Variants in TRPM1 observed in about 807,000 individuals in gnomAD.
TRPM1 encodes transient receptor potential cation channel subfamily M member 1.
TRPM1 carries 113 observed loss-of-function variants against 149.4 expected under a neutral mutation model. That is an observed-to-expected ratio of 0.76 (90% CI 0.65 to 0.88). TRPM1 has a LOEUF of 0.88. Ranked by LOEUF, TRPM1 falls within the 40% of genes least tolerant of loss-of-function variation. TRPM1 has a pLI of 0.00. For missense variants in TRPM1, 1,976 were observed against 2,038.7 expected (o/e 0.97, Z 0.59); for synonymous variants, 741 against 759.5 (o/e 0.98, Z 0.40).
At chr15:31,049,779 G>T (rs1173120831) in intron 12 of TRPM1, among the ~76,000 whole-genome samples, 1 of 152,178 alleles carries the variant, frequency 6.6e-6, no homozygotes, top group Non-Finnish European at 1.5e-5. Flanking sequence ...AGCCCTCCTG[G>T]CATTGGCCTG....
At chr15:31,090,122 C>G (rs1008810348) in intron 1 of TRPM1, among the ~76,000 whole-genome samples, 13 of 152,172 alleles carry the variant, frequency 8.5e-5, no homozygotes, top group African/African-American at 2.9e-4. Flanking sequence ...CCCCCATGAA[C>G]ACTGGTGCGT....
intron 27 of TRPM1, among the ~76,000 whole-genome samples, chr15:31,022,654 C>T (rs1367690880): frequency 6.6e-6 from 1 of 152,190 alleles, no homozygotes; most frequent in East Asian, 1.9e-4. Context: ...TGTCTTGAAC[C>T]TGGAGGGAGC....
At chr15:31,025,624 A>G (rs2032698966) in intron 27 of TRPM1, among the ~76,000 whole-genome samples, 1 of 152,140 alleles carries the variant, frequency 6.6e-6, no homozygotes, top group Non-Finnish European at 1.5e-5. Context: ...TCATGGGGCC[A>G]GACACCTCAC....
In TRPM1 at chr15:31,068,053, G is replaced by T. The variant is rs779477918; in HGVS notation, c.319C>A (p.Leu107Ile). The change falls in exon 5 of 28, where the codon CTC becomes ATC. Residue 107 changes from leucine (L) to isoleucine (I), a missense_variant. Physicochemically the swap from Leu to Ile is conservative, Grantham distance 5. Transcript: ENST00000256552. Reference sequence around the variant, plus strand: ...TGCCAATCTTTCACCATGAGATGGAGCAGTGAGTCTGGCTTGGTGTCATAG... The same window carrying T: ...TGCCAATCTTTCACCATGAGATGGATCAGTGAGTCTGGCTTGGTGTCATAG... ...VSYDTKPDSL[L>I]HLMVKDWQLE... The T allele has an allele frequency of 1.9e-6, 3 of 1,614,236 alleles. No individual in the cohort carries two copies. In the South Asian group the frequency reaches 3.3e-5, roughly 18 times the overall value.
chr15:31,126,967 A>AAAACAACCAAAC (rs2035959276), intron 1 of TRPM1, among the ~76,000 whole-genome samples: 1 of 150,560 alleles, frequency 6.6e-6, no homozygotes. Flanking sequence ...ATCCTGTCTC[A>AAAACAACCAAAC]AAACAAACAA....
At chr15:31,051,085 C>T (rs943529170) in intron 11 of TRPM1, among the ~76,000 whole-genome samples, 2 of 152,160 alleles carry the variant, frequency 1.3e-5, no homozygotes, top group East Asian at 1.9e-4. Context: ...TGGAGCTTAT[C>T]GGCGGGTAAA....
At chr15:31,071,980 CATATATAT>C (rs71471861) in intron 3 of TRPM1, among the ~76,000 whole-genome samples, 1,635 of 76,814 alleles carry the variant, frequency 0.021, 52 homozygotes, top group Admixed American at 0.031. Context: ...AAAAAAAAAA[CATATATAT>C]ATATATATAT....
intron 1 of TRPM1, among the ~76,000 whole-genome samples, chr15:31,091,228 A>C (rs900206001): frequency 1.1e-4 from 16 of 152,274 alleles, no homozygotes; most frequent in African/African-American, 3.1e-4. Flanking sequence ...TGTGCTGGAG[A>C]TCGGACACAA....
At chr15:31,034,185 A>G (rs1180850881) in intron 21 of TRPM1, among the ~76,000 whole-genome samples, 1 of 152,212 alleles carries the variant, frequency 6.6e-6, no homozygotes, top group Non-Finnish European at 1.5e-5. Flanking sequence ...GATATTGGAA[A>G]GGGAAGTATC....
At chr15:31,028,592 A>G (rs1335344218) in intron 24 of TRPM1, 116 bp from the exon 25 acceptor site, 7 of 1,289,418 alleles carry the variant, frequency 5.4e-6, no homozygotes, top group Non-Finnish European at 7.6e-6. Context: ...TTCTTATTTC[A>G]TAAGCAATAT....
At chr15:31,147,743 G>C (rs888600727) in intron 1 of TRPM1, among the ~76,000 whole-genome samples, 3 of 152,202 alleles carry the variant, frequency 2.0e-5, no homozygotes, top group Non-Finnish European at 4.4e-5. Flanking sequence ...GTGTTCATTT[G>C]GGGGAGCATT....
At chr15:31,146,230 A>C (rs2036223164) in intron 1 of TRPM1, among the ~76,000 whole-genome samples, 1 of 152,240 alleles carries the variant, frequency 6.6e-6, no homozygotes, top group Non-Finnish European at 1.5e-5. Context: ...AAACTCAAAG[A>C]AATGCATTAT....
rs558539881 is a variant in TRPM1 at position 31,122,580 on chromosome 15, C to T, written c.54+38326G>A. On this transcript the variant is annotated intron_variant, in intron 1 of 26. Coordinates refer to the TRPM1 transcript ENST00000542188. Reference sequence around the variant, plus strand: ...TTCAAATAAAAACATATCTTTTACACTAGTACCAAACAATAGAGTACTTAG... The same window carrying T: ...TTCAAATAAAAACATATCTTTTACATTAGTACCAAACAATAGAGTACTTAG... Among the ~76,000 whole-genome samples the T allele has an allele frequency of 2.6e-5, 4 of 152,216 alleles. No individual in the cohort carries two copies. The East Asian group carries it at 7.7e-4, about 29-fold the overall frequency.
chr15:31,009,604 G>A (rs1566986601), intron 27 of TRPM1, among the ~76,000 whole-genome samples: 1 of 151,998 alleles, frequency 6.6e-6, no homozygotes, highest in African/African-American at 2.4e-5. Context: ...AACTTGGGAG[G>A]TTTTCAGTGA....
intron 18 of TRPM1, among the ~76,000 whole-genome samples, chr15:31,038,452 C>T (rs1161548057): frequency 6.6e-6 from 1 of 152,228 alleles, no homozygotes; most frequent in African/African-American, 2.4e-5. Flanking sequence ...TAGCTCACAC[C>T]TGTAATCCCA....
chr15:31,089,926 A>G (rs1427907170), intron 1 of TRPM1, among the ~76,000 whole-genome samples: 1 of 152,172 alleles, frequency 6.6e-6, no homozygotes, highest in Non-Finnish European at 1.5e-5. Flanking sequence ...GGCCGGGAGC[A>G]CCGTGTGGGG....
chr15:31,082,209 C>A (rs1356094258), intron 1 of TRPM1, among the ~76,000 whole-genome samples: 1 of 152,180 alleles, frequency 6.6e-6, no homozygotes, highest in Non-Finnish European at 1.5e-5. Context: ...AGATACTGCC[C>A]ACTTGTGCAA....
chr15:31,135,984 C>T (rs1428641411), intron 1 of TRPM1, among the ~76,000 whole-genome samples: 1 of 152,084 alleles, frequency 6.6e-6, no homozygotes, highest in Non-Finnish European at 1.5e-5. Flanking sequence ...GTAAGTGGAG[C>T]AGTAATAAAG....
intron 1 of TRPM1, among the ~76,000 whole-genome samples, chr15:31,083,624 G>A (rs2034921433): frequency 6.6e-6 from 1 of 152,278 alleles, no homozygotes; most frequent in East Asian, 1.9e-4. Context: ...ATGCAGAAAG[G>A]ATTAAAAGCC....
Sources: gnomAD v4.1 joint callset for allele counts (sites outside exome capture counted in the v4.1 genomes callset) on GRCh38, gnomAD v4.1.1 for gene constraint, MANE v1.5 for transcripts, NCBI Gene and HGNC (gene_info 2026-07-23, HGNC 2026-07-21) for gene names.